The following SCFD2 variants were observed in gnomAD, a reference collection of about 807,000 sequenced individuals.
SCFD2 encodes the protein sec1 family domain containing 2.
SCFD2 carries 54 observed loss-of-function variants against 58.9 expected under a neutral mutation model. The ratio of observed to expected loss-of-function variants is 0.92; its 90% CI spans 0.74 to 1.15. SCFD2 has a LOEUF of 1.15. Among genes scored for constraint, SCFD2 ranks in the 50% most tolerant of loss-of-function variants. The pLI is 0.00. For missense variants in SCFD2, 805 were observed against 836.6 expected (o/e 0.96, Z 0.47); for synonymous variants, 321 against 335.9 (o/e 0.96, Z 0.49).
intron 4 of SCFD2, among the ~76,000 whole-genome samples, chr4:53,198,181 A>C (rs1363212712): frequency 6.6e-6 from 1 of 152,040 alleles, no homozygotes; most frequent in African/African-American, 2.4e-5. Flanking sequence ...GCTTTTATTT[A>C]ATAATTGAAA....
At chr4:52,964,695 C>CAT (rs1377070667) in intron 5 of SCFD2, among the ~76,000 whole-genome samples, 1 of 151,992 alleles carries the variant, frequency 6.6e-6, no homozygotes, top group Non-Finnish European at 1.5e-5. Context: ...GAGGGACACA[C>CAT]ACACACACAC....
intron 5 of SCFD2, among the ~76,000 whole-genome samples, chr4:53,022,082 C>T (rs1722362924): frequency 6.6e-6 from 1 of 152,186 alleles, no homozygotes; most frequent in African/African-American, 2.4e-5. Flanking sequence ...GTCAGAAACA[C>T]TTCCACTATA....
At chr4:52,970,132 A>G (rs1386563899) in intron 5 of SCFD2, among the ~76,000 whole-genome samples, 2 of 152,204 alleles carry the variant, frequency 1.3e-5, no homozygotes, top group Non-Finnish European at 2.9e-5. Context: ...CAACTGAGGT[A>G]CCGGGCTCAT....
At chr4:52,898,126 G>C (rs1266167809) in intron 7 of SCFD2, among the ~76,000 whole-genome samples, 2 of 152,076 alleles carry the variant, frequency 1.3e-5, no homozygotes, top group Admixed American at 1.3e-4. Flanking sequence ...TTGATTTTTT[G>C]AAGGGTTTTT....
At chr4:53,062,391 CAAT>C (rs60077342) in intron 5 of SCFD2, among the ~76,000 whole-genome samples, 54,182 of 149,706 alleles carry the variant, frequency 0.36, 10,578 homozygotes, top group Non-Finnish European at 0.43. Context: ...CGTACAATAA[CAAT>C]AATAATAATA....
chr4:53,226,750 G>C (rs1729229766), intron 4 of SCFD2, among the ~76,000 whole-genome samples: 1 of 152,040 alleles, frequency 6.6e-6, no homozygotes, highest in Non-Finnish European at 1.5e-5. Flanking sequence ...ACCAAAAAAA[G>C]GCAGCTTACT....
At chr4:52,928,117 T>G (rs1454485741) in intron 5 of SCFD2, among the ~76,000 whole-genome samples, 2 of 152,088 alleles carry the variant, frequency 1.3e-5, no homozygotes, top group Non-Finnish European at 2.9e-5. Context: ...GGAGGATCAC[T>G]TGAGGCTAGG....
chr4:53,292,312 G>A (rs1731868159), intron 3 of SCFD2, among the ~76,000 whole-genome samples: 1 of 151,998 alleles, frequency 6.6e-6, no homozygotes. Flanking sequence ...TCTGGCAAAG[G>A]TCTAATATAC....
intron 4 of SCFD2, among the ~76,000 whole-genome samples, chr4:53,236,357 T>C (rs1729608135): frequency 6.6e-6 from 1 of 151,786 alleles, no homozygotes; most frequent in Non-Finnish European, 1.5e-5. Flanking sequence ...ATTGTGTAAG[T>C]TAATACTAAA....
At chr4:53,287,194 G>A (rs1436676396) in intron 3 of SCFD2, among the ~76,000 whole-genome samples, 1 of 152,060 alleles carries the variant, frequency 6.6e-6, no homozygotes, top group East Asian at 1.9e-4. Flanking sequence ...GTGAACCTGT[G>A]CCCACATCAC....
chr4:53,160,073 G>A (rs1411298791), intron 4 of SCFD2, among the ~76,000 whole-genome samples: 1 of 152,202 alleles, frequency 6.6e-6, no homozygotes, highest in Admixed American at 6.5e-5. Context: ...GGGAGAGGGT[G>A]CTAGATCAAT....
At chr4:52,903,284 C>G (rs988297073) in intron 7 of SCFD2, among the ~76,000 whole-genome samples, 1 of 152,156 alleles carries the variant, frequency 6.6e-6, no homozygotes, top group Non-Finnish European at 1.5e-5. Flanking sequence ...GAGGCAAGAG[C>G]GAGTGGGCTG....
chr4:52,907,509 A>G lies in SCFD2; in HGVS notation c.1790T>C (p.Met597Thr), dbSNP rs562569932. 6.2e-7 allele frequency: 1 copy of G among 1,613,972 alleles called. No homozygotes were observed. Among genetic ancestry groups the G allele is most frequent in the Non-Finnish European group, 8.5e-7 (1 of 1,179,850 alleles). ...ERPDSVDIEHMSSGLTDLLKT... is the reference protein window; with the variant it reads ...ERPDSVDIEHTSSGLTDLLKT... ...AAGGAGATCAGTGAGGCCTGAAGAC[A>G]TGTGTTCAATATCAACGGAATCTGG... Residue 597 changes from methionine (M) to threonine (T), a missense_variant, in exon 7 of 9, where the codon ATG becomes ACG. By Grantham distance (81) the Met-to-Thr change is moderately conservative. Transcript: ENST00000401642.
intron 2 of SCFD2, among the ~76,000 whole-genome samples, chr4:53,325,282 T>C (rs1733155585): frequency 6.7e-6 from 1 of 150,098 alleles, no homozygotes; most frequent in Non-Finnish European, 1.5e-5. Flanking sequence ...AGGACAATAA[T>C]TCTAATAACA....
intron 3 of SCFD2, among the ~76,000 whole-genome samples, chr4:53,306,875 A>G (rs957079925): frequency 9.9e-5 from 15 of 152,226 alleles, no homozygotes; most frequent in Admixed American, 7.9e-4. Context: ...ATGGGTTTTG[A>G]CAGGAAAGAT....
intron 5 of SCFD2, among the ~76,000 whole-genome samples, chr4:52,923,792 G>A (rs781573763): frequency 5.3e-5 from 8 of 152,176 alleles, no homozygotes; most frequent in Admixed American, 6.5e-5. Flanking sequence ...GTATCACAGC[G>A]TGTTTGCTGT....
At chr4:53,293,356 T>C (rs936235362) in intron 3 of SCFD2, among the ~76,000 whole-genome samples, 1 of 150,720 alleles carries the variant, frequency 6.6e-6, no homozygotes, top group African/African-American at 2.4e-5. Context: ...TAATGCATGG[T>C]GGGCATAATA....
intron 4 of SCFD2, among the ~76,000 whole-genome samples, chr4:53,189,238 G>A (rs1198107436): frequency 1.3e-5 from 2 of 152,168 alleles, no homozygotes; most frequent in Non-Finnish European, 2.9e-5. Flanking sequence ...AAAAAAGTGA[G>A]TAGGATTAAA....
intron 3 of SCFD2, among the ~76,000 whole-genome samples, chr4:53,304,722 G>A (rs1250858599): frequency 6.6e-5 from 10 of 151,800 alleles, no homozygotes; most frequent in African/African-American, 1.9e-4. Flanking sequence ...TTCGCTATTC[G>A]TCTAACCTTT....
Sources: gnomAD v4.1 joint callset for allele counts (sites outside exome capture counted in the v4.1 genomes callset) on GRCh38, gnomAD v4.1.1 for gene constraint, MANE v1.5 for transcripts, NCBI Gene and HGNC (gene_info 2026-07-23, HGNC 2026-07-21) for gene names.